The following U2AF1L4 variants were observed in gnomAD, a reference collection of about 807,000 sequenced individuals.
U2AF1L4 encodes the protein splicing factor U2AF 26 kDa subunit.
In U2AF1L4, 21 loss-of-function variants were observed where a neutral mutation model predicts 21.7. The ratio of observed to expected loss-of-function variants is 0.97; its 90% confidence interval spans 0.69 to 1.39. The LOEUF (loss-of-function observed/expected upper bound fraction) is 1.39, where lower values mean the gene tolerates loss of function less well. U2AF1L4 is among the 40% of genes most tolerant of loss of function. U2AF1L4 has a pLI of 0.00. For synonymous variants in U2AF1L4, 92 were observed against 89.7 expected, an observed-to-expected ratio of 1.03 and a Z score of -0.15; for missense variants, 259 against 245.7, an observed-to-expected ratio of 1.05 and a Z score of -0.36.
chr19:35,742,473 C>G (rs761643118), downstream of U2AF1L4: 14 of 1,553,070 alleles, frequency 9.0e-6, no homozygotes, highest in African/African-American at 9.5e-5. Flanking sequence ...TCTTGTTTCC[C>G]CTTTTCGTCA....
chr19:35,742,473 C>T, downstream of U2AF1L4: 6 of 1,553,188 alleles, frequency 3.9e-6, no homozygotes, highest in Middle Eastern at 5.0e-4. Context: ...TCTTGTTTCC[C>T]CTTTTCGTCA....
intron 5 of U2AF1L4, chr19:35,743,588 T>C (rs28656784): frequency 0.15 from 86,453 of 561,682 alleles, 7,381 homozygotes; most frequent in Middle Eastern, 0.26. Context: ...TTTGGGAGGC[T>C]GAGGCAGAGA....
intron 5 of U2AF1L4, 113 bp from the exon 6 acceptor site, chr19:35,742,916 G>C (rs997332029): frequency 3.9e-5 from 39 of 1,006,960 alleles, no homozygotes; most frequent in Non-Finnish European, 5.8e-5. Flanking sequence ...AATAACTAGA[G>C]TTCTAAGACA....
intron 2 of U2AF1L4, 178 bp from the exon 3 acceptor site, chr19:35,744,599 T>C (rs1307123689): frequency 6.5e-7 from 1 of 1,538,342 alleles, no homozygotes. Context: ...CTGTTCACCT[T>C]GCCCCCAGGC....
rs924765742 is a variant in U2AF1L4, at chr19:35,742,583, T to G, written c.*136A>C. Reference sequence around the variant, plus strand: ...AAGACAGGGGCGGTAGAAGAAGGTCTCCATGCTGAACAGATTACATTATGG... The same window carrying G: ...AAGACAGGGGCGGTAGAAGAAGGTCGCCATGCTGAACAGATTACATTATGG... On this transcript the variant is annotated 3_prime_UTR_variant, in exon 6 of 6. Transcript: ENST00000378975. The G allele has an allele frequency of 2.5e-5, 41 of 1,613,702 alleles. No individual in the cohort carries two copies. Among genetic ancestry groups the G allele is most frequent in the Non-Finnish European group, 3.1e-5 (37 of 1,179,986 alleles).
In U2AF1L4 at chr19:35,745,410, G is replaced by C. The variant is rs1240628508; in HGVS notation, c.-19C>G. The C allele has an allele frequency of 6.2e-7, 1 of 1,614,154 alleles. No homozygotes were observed. The highest frequency in any genetic ancestry group is 1.1e-5 in the South Asian group (1 of 91,090). On this transcript the variant is annotated 5_prime_UTR_variant, in exon 1 of 6. Coordinates refer to ENST00000378975, the MANE Select transcript of U2AF1L4 (RefSeq NM_001040425.3). ...CAGCCATTTTTACCCAAGCCCTCCA[G>C]GTCTGGCTGCTCTTACGTCACTTCC... is the stretch of plus-strand genomic sequence containing the variant.
rs17173032 is a variant in U2AF1L4 at position 35,745,113 on chromosome 19, G to A, written c.132+12C>T. On this transcript the variant is annotated intron_variant, in intron 2 of 5. Transcript: ENST00000378975. ...GAGCCGTTAACCCCCGAGGCTCCGT[G>A]CCGGGTCTCACCTGGCTGAATGTCG... The A allele has an allele frequency of 1.5e-3, 2,424 of 1,612,048 alleles. 27 individuals carry two copies. The East Asian group carries it at 0.028, about 19-fold the overall frequency.
chr19:35,744,911 G>T (rs1819536635), intron 2 of U2AF1L4: 3 of 707,654 alleles, frequency 4.2e-6, no homozygotes, highest in Non-Finnish European at 4.7e-6. Context: ...AACAGCCGCC[G>T]TGTGTAGCCT....
chr19:35,745,013 G>A (rs868812596), intron 2 of U2AF1L4, 112 bp downstream of exon 2: 8 of 1,071,166 alleles, frequency 7.5e-6, no homozygotes, highest in Middle Eastern at 3.1e-4. Flanking sequence ...AAAAAAGCCG[G>A]GCGGTGGGGA....
chr19:35,744,573 T>C, intron 2 of U2AF1L4, 152 bp from the exon 3 acceptor site: 1 of 1,549,068 alleles, frequency 6.5e-7, no homozygotes, highest in South Asian at 1.2e-5. Context: ...GGAATCAGAG[T>C]GTAGCCTACT....
Position 35,745,144 on chromosome 19 carries a change from T to C in U2AF1L4, c.113A>G (p.Asn38Ser), listed in dbSNP as rs761469228. The stretch of plus-strand genomic sequence containing the variant: ...TCTCACCTGGCTGAATGTCGGCTTG[T>C]TGTGAAGCCGGGAGCACCGGTCCCC... The part of the protein sequence containing the change: ...RHGDRCSRLH[N>S]KPTFSQEVFT... The change falls in exon 2 of 6, where the codon AAC becomes AGC. Residue 38 changes from asparagine to serine, a missense_variant. By Grantham distance (46) the Asn-to-Ser change is conservative. Coordinates refer to ENST00000378975, the MANE Select transcript of U2AF1L4 (RefSeq NM_001040425.3). 6.2e-7 allele frequency: 1 copy of C among 1,613,470 alleles called. No homozygotes were observed. Among genetic ancestry groups the C allele is most frequent in the East Asian group, 2.2e-5 (1 of 44,872 alleles).
At position 35,744,343 on chromosome 19, in the gene U2AF1L4, C is replaced by T. The variant is rs757625907; in HGVS notation, c.211G>A (p.Val71Met). 1.7e-5 allele frequency: 27 copies of T among 1,614,014 alleles called. No homozygotes were observed. Among genetic ancestry groups the T allele is most frequent in the African/African-American group, 2.7e-5 (2 of 74,912 alleles). ...NVCDNLGDHL[V>M]GNVYVKFRRE... Reference sequence around the variant, plus strand: ...AGCACCTTGACATAGACGTTGCCCACGAGGTGGTCCCCAAGGTTGTCGCAC... The same window carrying T: ...AGCACCTTGACATAGACGTTGCCCATGAGGTGGTCCCCAAGGTTGTCGCAC... Residue 71 changes from valine to methionine, a missense_variant, in exon 3 of 6, where the codon GTG (valine) becomes ATG (methionine). Coordinates refer to ENST00000378975, the MANE Select transcript of U2AF1L4 (RefSeq NM_001040425.3).
chr19:35,743,001 G>A, intron 5 of U2AF1L4, 198 bp from the exon 6 acceptor site: 2 of 631,290 alleles, frequency 3.2e-6, no homozygotes, highest in East Asian at 2.8e-5. Flanking sequence ...TCGTGGATTA[G>A]GGGTTCAGGC....
intron 5 of U2AF1L4, chr19:35,743,138 C>T (rs941917850): frequency 2.9e-5 from 10 of 343,256 alleles, no homozygotes; most frequent in Admixed American, 5.0e-5. Flanking sequence ...TTTGGGAGGC[C>T]GAGATGGGTG....
chr19:35,744,666 C>T, intron 2 of U2AF1L4: 1 of 1,536,228 alleles, frequency 6.5e-7, no homozygotes, highest in Non-Finnish European at 8.7e-7. Flanking sequence ...TCTGTGGATT[C>T]CGGTACAGGT....
Position 35,745,387 on chromosome 19 carries a change from G to C in U2AF1L4, c.5C>G (p.Ala2Gly). The change falls in exon 1 of 6, where the codon GCT (alanine) becomes GGT (glycine). Residue 2 changes from alanine to glycine, a missense_variant. Transcript: ENST00000378975. ...CCCGAATATCGAAGCTAAATATTCA[G>C]CCATTTTTACCCAAGCCCTCCAGGT... M[A>G]EYLASIFGTE... 6.2e-7 allele frequency: 1 copy of C among 1,613,900 alleles called. No homozygotes were observed. The highest frequency in any genetic ancestry group is 8.5e-7 in the Non-Finnish European group (1 of 1,179,944).
In U2AF1L4 at chr19:35,743,801, T is replaced by C. The variant is rs1268359795; in HGVS notation, c.461+8A>G. 6.2e-7 allele frequency: 1 copy of C among 1,605,036 alleles called. No homozygotes were observed. The highest frequency in any genetic ancestry group is 1.1e-5 in the South Asian group (1 of 89,560). ...ATGAGGAGACATAGCAGGCTGGTCC[T>C]GAGGTACCTGCGCCTGGGTCCCCGC... is the stretch of plus-strand genomic sequence containing the variant. On this transcript the variant is annotated splice_region_variant and intron_variant, in intron 5 of 5. Transcript: ENST00000378975.
chr19:35,744,197 G>T (rs1003120808), intron 3 of U2AF1L4, 52 bp from the exon 4 acceptor site: 1 of 1,607,992 alleles, frequency 6.2e-7, no homozygotes, highest in Non-Finnish European at 8.5e-7. Context: ...ATCTTCAGGG[G>T]ACTCACTACC....
rs2146516356 is a variant in U2AF1L4 at position 35,745,213 on chromosome 19, C to T, written c.45-1G>A. ...CTTAAAGTAAAAAGAGCAGTTAACC[C>T]TGGAAAAGGTGCAAAGACAAAGGTG... On this transcript the variant is annotated splice_acceptor_variant, in intron 1 of 5. Coordinates refer to ENST00000378975, the MANE Select transcript of U2AF1L4 (RefSeq NM_001040425.3). LOFTEE classifies it high-confidence loss of function. The T allele has an allele frequency of 1.2e-6, 2 of 1,613,656 alleles. No homozygotes were observed. The highest frequency in any genetic ancestry group is 4.5e-5 in the East Asian group (2 of 44,866).
Sources: gnomAD v4.1 joint callset for allele counts on GRCh38, gnomAD v4.1.1 for gene constraint, MANE v1.5 for transcripts, NCBI Gene and HGNC (gene_info 2026-07-23, HGNC 2026-07-21) for gene names.